MLPH: variants seen among roughly 807,000 people sequenced by gnomAD.
The protein encoded by MLPH is exophilin-3.
Under a neutral mutation model 72.1 loss-of-function variants are expected in MLPH, and 51 were observed. The ratio of observed to expected loss-of-function variants is 0.71; its 90% CI spans 0.56 to 0.89. The LOEUF (loss-of-function observed/expected upper bound fraction) is 0.89, where lower values mean the gene tolerates loss of function less well. MLPH is among the 40% of genes least tolerant of loss of function. The pLI is 0.00. For synonymous variants in MLPH, 301 were observed against 310.1 expected (o/e 0.97, Z 0.31); for missense variants, 743 against 759.9 (o/e 0.98, Z 0.26).
At chr2:237,530,874 C>A (rs987715206) in intron 8 of MLPH, among the ~76,000 whole-genome samples, 1 of 152,190 alleles carries the variant, frequency 6.6e-6, no homozygotes, top group Non-Finnish European at 1.5e-5. Context: ...TGAGCTCTGG[C>A]GGGGACTCAG....
chr2:237,552,246 T>C, intron 14 of MLPH, 91 bp from the exon 15 acceptor site: 1 of 1,023,670 alleles, frequency 9.8e-7, no homozygotes, highest in African/African-American at 1.6e-5. Context: ...CATTTTTTTC[T>C]ACCTTTTAAA....
intron 14 of MLPH, 138 bp downstream of exon 14, chr2:237,549,416 A>G: frequency 1.1e-6 from 1 of 916,662 alleles, no homozygotes; most frequent in Non-Finnish European, 1.8e-6. Context: ...AAACATTCCC[A>G]GTGCCGCTCG....
intron 6 of MLPH, among the ~76,000 whole-genome samples, chr2:237,522,691 T>TG (rs1418877560): frequency 6.6e-6 from 1 of 152,094 alleles, no homozygotes; most frequent in African/African-American, 2.4e-5. Context: ...GGTTGGGCCT[T>TG]GTATGGTGGA....
In MLPH at chr2:237,512,836, G is replaced by A. The variant is rs114042710; in HGVS notation, c.445+1735G>A. 3.9e-5 allele frequency among the ~76,000 whole-genome samples: 6 copies of A among 152,128 alleles called. No individual in the cohort carries two copies. Among genetic ancestry groups the A allele is most frequent in the Admixed American group, 6.6e-5 (1 of 15,264 alleles). On this transcript the variant is annotated intron_variant, in intron 4 of 15. Coordinates refer to ENST00000264605, the MANE Select transcript of MLPH (RefSeq NM_024101.7). This position sits in a 1 kb window ranked among gnomAD's most constrained non-coding sequence, Gnocchi z 5.5. ...AGGAAGCTGTATTATTTCAAAGGAC[G>A]CAGTGTTTCCACAGCTCAGCCCAGA...
intron 2 of MLPH, among the ~76,000 whole-genome samples, chr2:237,506,591 C>A (rs1407163807): frequency 6.6e-6 from 1 of 152,112 alleles, no homozygotes; most frequent in Non-Finnish European, 1.5e-5. Flanking sequence ...TGCACCTGCA[C>A]CAGTAATTAG....
At chr2:237,539,234 G>T (rs74735591) in intron 9 of MLPH, among the ~76,000 whole-genome samples, 1,755 of 152,332 alleles carry the variant, frequency 0.012, 15 homozygotes, top group South Asian at 0.034. Flanking sequence ...GGAGGTGGGG[G>T]TGAGGCAGCA....
Position 237,542,552 on chromosome 2 carries a change from G to A in MLPH, c.1447-15G>A, listed in dbSNP as rs2080714845. ...CGTCTGTCTGACGGGCCTTCTGTCT[G>A]CTGTCCTCTCGCAGGTTTCAGACAT... On this transcript the variant is annotated splice_polypyrimidine_tract_variant and intron_variant, in intron 11 of 15. Coordinates refer to ENST00000264605, the MANE Select transcript of MLPH (RefSeq NM_024101.7). The A allele has an allele frequency of 1.3e-6, 2 of 1,583,490 alleles. No homozygotes were observed. The highest frequency in any genetic ancestry group is 2.7e-5 in the African/African-American group (2 of 74,524).
intron 2 of MLPH, among the ~76,000 whole-genome samples, chr2:237,503,649 C>T (rs2079701006): frequency 1.3e-5 from 2 of 152,168 alleles, no homozygotes; most frequent in Admixed American, 1.3e-4. Flanking sequence ...CAGGGTCACC[C>T]TCAGGAATCA....
intron 6 of MLPH, among the ~76,000 whole-genome samples, 177 bp from the exon 7 acceptor site, chr2:237,525,424 G>A (rs967932260): frequency 6.6e-6 from 1 of 152,204 alleles, no homozygotes; most frequent in African/African-American, 2.4e-5. Flanking sequence ...TATGCTTTAG[G>A]CACAGTCTTT....
chr2:237,509,547 A>G (rs2079846278), intron 2 of MLPH, among the ~76,000 whole-genome samples: 1 of 152,162 alleles, frequency 6.6e-6, no homozygotes, highest in Non-Finnish European at 1.5e-5. Flanking sequence ...TGGGACAAAG[A>G]CTTTACCTTG....
chr2:237,489,150 G>A (rs2079378768), intron 1 of MLPH, among the ~76,000 whole-genome samples: 1 of 152,238 alleles, frequency 6.6e-6, no homozygotes, highest in Non-Finnish European at 1.5e-5. Context: ...TGGGAACCCA[G>A]CTCCCACCTC....
At chr2:237,524,435 C>T (rs781650164) in intron 6 of MLPH, among the ~76,000 whole-genome samples, 49 of 151,570 alleles carry the variant, frequency 3.2e-4, no homozygotes, top group Non-Finnish European at 5.6e-4. Context: ...ACTTGGAGTC[C>T]GATGTTCGAG....
At chr2:237,547,791 G>A (rs576383513) in intron 13 of MLPH, among the ~76,000 whole-genome samples, 2 of 150,266 alleles carry the variant, frequency 1.3e-5, no homozygotes, top group South Asian at 2.1e-4. Context: ...TGTTCAGGTG[G>A]AGTGGTTAGG....
chr2:237,490,265 G>A (rs1390789656), intron 1 of MLPH, among the ~76,000 whole-genome samples: 2 of 151,948 alleles, frequency 1.3e-5, no homozygotes, highest in Non-Finnish European at 2.9e-5. Context: ...GGAGGTCGAG[G>A]CAGCAGTGAG....
chr2:237,535,388 A>G lies in MLPH; in HGVS notation c.1104+741A>G, dbSNP rs545742095. Among the ~76,000 whole-genome samples the G allele has an allele frequency of 2.0e-5, 3 of 152,242 alleles. No homozygotes were observed. In the East Asian group the frequency reaches 5.8e-4, roughly 29 times the overall value. On this transcript the variant is annotated intron_variant, in intron 9 of 15. Transcript: ENST00000264605. Reference sequence around the variant, plus strand: ...TATTGCACTGGGGATCGAGTTCCCAACACATGAACTTTAGGGGACACAGTC... The same window carrying G: ...TATTGCACTGGGGATCGAGTTCCCAGCACATGAACTTTAGGGGACACAGTC...
Position 237,525,763 on chromosome 2 carries a change from G to A in MLPH, c.838G>A (p.Gly280Arg), listed in dbSNP as rs1274910362. ...CGCCCTGGCTGAGCTCTGCCCGCCTGGAGGCTCCCACAGGATGGCCCTGGG... is the reference window on the plus strand; with the variant it reads ...CGCCCTGGCTGAGCTCTGCCCGCCTAGAGGCTCCCACAGGATGGCCCTGGG... ...HGALAELCPP[G>R]GSHRMALGTA... Residue 280 changes from glycine (G) to arginine (R), a missense_variant, in exon 7 of 16, where the codon GGA becomes AGA. Coordinates refer to ENST00000264605, the MANE Select transcript of MLPH (RefSeq NM_024101.7). 1 of 1,613,694 alleles carries A rather than the reference G, an allele frequency of 6.2e-7. No homozygotes were observed. Among genetic ancestry groups the A allele is most frequent in the East Asian group, 2.2e-5 (1 of 44,896 alleles).
chr2:237,530,893 C>T (rs956914280), intron 8 of MLPH, among the ~76,000 whole-genome samples: 1 of 152,316 alleles, frequency 6.6e-6, no homozygotes, highest in Admixed American at 6.5e-5. Flanking sequence ...AGAGCAGACC[C>T]AGTGCTGCAG....
Position 237,540,428 on chromosome 2 carries a change from C to A in MLPH, c.1185C>A (p.Asn395Lys), listed in dbSNP as rs779906804. Residue 395 changes from asparagine (N) to lysine (K), a missense_variant, in exon 10 of 16, where the codon AAC (asparagine) becomes AAA (lysine). Asn to Lys is a moderately conservative substitution (Grantham distance 94). Transcript: ENST00000264605. ...LRRKLEELTS[N>K]VSDQETSSEE... ...GGAAGCTGGAGGAGCTGACCAGCAA[C>A]GTCAGTGACCAGGAGACCTCGTCCG... The A allele has an allele frequency of 2.5e-6, 4 of 1,612,860 alleles. No homozygotes were observed. The highest frequency in any genetic ancestry group is 3.4e-6 in the Non-Finnish European group (4 of 1,179,350).
At chr2:237,531,031 G>A (rs1038055945) in intron 8 of MLPH, among the ~76,000 whole-genome samples, 2 of 152,208 alleles carry the variant, frequency 1.3e-5, no homozygotes, top group East Asian at 1.9e-4. Context: ...GAAGCTGCAG[G>A]GAGGGTGGAG....
Sources: allele counts gnomAD v4.1 joint callset (sites outside exome capture counted in the v4.1 genomes callset), GRCh38; gene constraint gnomAD v4.1.1; non-coding constraint Gnocchi (gnomAD v3.1); transcripts MANE v1.5; gene names NCBI Gene and HGNC (gene_info 2026-07-23, HGNC 2026-07-21).